The following PTPRG variants were observed in gnomAD, a reference collection of about 807,000 sequenced individuals.
PTPRG encodes receptor-type tyrosine-protein phosphatase gamma.
In PTPRG, 102 loss-of-function variants were observed where a neutral mutation model predicts 165.3. That is an observed-to-expected ratio of 0.62 (90% confidence interval 0.53 to 0.73). The LOEUF is 0.73. Ranked by LOEUF, PTPRG falls within the 30% of genes least tolerant of loss-of-function variation. PTPRG has a pLI of 0.00. For missense variants in PTPRG, 1,866 were observed against 1,861.4 expected, an observed-to-expected ratio of 1.00 and a Z score of -0.05; for synonymous variants, 675 against 669.5, an observed-to-expected ratio of 1.01 and a Z score of -0.13.
intron 8 of PTPRG, among the ~76,000 whole-genome samples, chr3:62,182,543 G>A (rs1474684851): frequency 6.6e-6 from 1 of 152,210 alleles, no homozygotes. Context: ...CTCCCACTGG[G>A]CTGTCATCTC....
chr3:62,278,472 T>C (rs1041550325), intron 26 of PTPRG, among the ~76,000 whole-genome samples: 2 of 152,096 alleles, frequency 1.3e-5, no homozygotes, highest in African/African-American at 2.4e-5. Context: ...GCTTAGATCT[T>C]GTGGATACTT....
intron 2 of PTPRG, among the ~76,000 whole-genome samples, chr3:61,845,092 C>A (rs1168856953): frequency 6.6e-6 from 1 of 152,128 alleles, no homozygotes; most frequent in Non-Finnish European, 1.5e-5. Flanking sequence ...CATTCTCTTT[C>A]TTTTGGGTTT....
intron 6 of PTPRG, among the ~76,000 whole-genome samples, chr3:62,146,933 C>T (rs1704144225): frequency 6.6e-6 from 1 of 152,136 alleles, no homozygotes; most frequent in Non-Finnish European, 1.5e-5. Flanking sequence ...TTCTTTTAGC[C>T]ATGTATGAAA....
At chr3:61,836,108 C>T (rs1002803171) in intron 2 of PTPRG, among the ~76,000 whole-genome samples, 2 of 150,180 alleles carry the variant, frequency 1.3e-5, no homozygotes, top group African/African-American at 2.5e-5. Context: ...CACCTGAACC[C>T]CACTGCAGAT....
chr3:61,945,295 C>G (rs2039729409), intron 2 of PTPRG, among the ~76,000 whole-genome samples: 1 of 152,054 alleles, frequency 6.6e-6, no homozygotes, highest in African/African-American at 2.4e-5. Flanking sequence ...TGCTATGGCT[C>G]ACGCCTGTAA....
intron 2 of PTPRG, among the ~76,000 whole-genome samples, chr3:61,756,409 G>A (rs1288348839): frequency 6.6e-6 from 1 of 152,134 alleles, no homozygotes; most frequent in Non-Finnish European, 1.5e-5. Flanking sequence ...AAACACATAT[G>A]GTCACACACT....
At chr3:61,962,426 A>T (rs2040174666) in intron 2 of PTPRG, among the ~76,000 whole-genome samples, 1 of 152,196 alleles carries the variant, frequency 6.6e-6, no homozygotes, top group Non-Finnish European at 1.5e-5. Flanking sequence ...CTTGAGTACA[A>T]CTTTGCTCAT....
chr3:61,844,389 T>C (rs2036744483), intron 2 of PTPRG, among the ~76,000 whole-genome samples: 1 of 152,258 alleles, frequency 6.6e-6, no homozygotes, highest in African/African-American at 2.4e-5. Context: ...TTGAGATAAA[T>C]GACAAATAAT....
At chr3:61,620,240 G>A (rs13324996) in intron 1 of PTPRG, among the ~76,000 whole-genome samples, 42,669 of 151,982 alleles carry the variant, frequency 0.28, 6,033 homozygotes, top group Admixed American at 0.32. Flanking sequence ...TAGCTTGTGT[G>A]TCCCCCCTAC....
At chr3:62,081,535 A>G (rs558371508) in intron 5 of PTPRG, among the ~76,000 whole-genome samples, 2 of 151,992 alleles carry the variant, frequency 1.3e-5, no homozygotes, top group Admixed American at 1.3e-4. Flanking sequence ...TGTAGAGACA[A>G]GGTCTTGCTT....
intron 2 of PTPRG, among the ~76,000 whole-genome samples, chr3:61,941,496 G>A (rs910174232): frequency 1.3e-5 from 2 of 152,158 alleles, no homozygotes; most frequent in Non-Finnish European, 1.5e-5. Flanking sequence ...GGCGGTGCAT[G>A]CCTGTAGCCC....
intron 4 of PTPRG, among the ~76,000 whole-genome samples, chr3:62,020,976 C>T (rs2041676225): frequency 6.6e-6 from 1 of 151,982 alleles, no homozygotes; most frequent in South Asian, 2.1e-4. Context: ...CACCTGGCCT[C>T]ATCTATGTTT....
At chr3:61,637,048 C>T (rs1459684365) in intron 1 of PTPRG, among the ~76,000 whole-genome samples, 1 of 152,210 alleles carries the variant, frequency 6.6e-6, no homozygotes. Flanking sequence ...TGTGGCCTCT[C>T]TGCCACATAG....
At chr3:62,206,912 C>CA (rs556974355) in intron 12 of PTPRG, among the ~76,000 whole-genome samples, 5,470 of 37,030 alleles carry the variant, frequency 0.15, 1,036 homozygotes, top group East Asian at 0.33. Context: ...GACTCTGTCT[C>CA]AAAAAAAAAA....
intron 1 of PTPRG, among the ~76,000 whole-genome samples, chr3:61,747,537 A>G (rs2033258600): frequency 6.6e-6 from 1 of 152,198 alleles, no homozygotes; most frequent in African/African-American, 2.4e-5. Context: ...GTTTCCCTCT[A>G]AAGGGCTCAT....
chr3:61,939,403 C>G (rs556185032), intron 2 of PTPRG, among the ~76,000 whole-genome samples: 85 of 152,088 alleles, frequency 5.6e-4, no homozygotes, highest in African/African-American at 1.9e-3. Flanking sequence ...AGTGATGGAA[C>G]CTAAAGAAAA....
At chr3:61,911,230 T>C (rs1266282464) in intron 2 of PTPRG, among the ~76,000 whole-genome samples, 1 of 152,210 alleles carries the variant, frequency 6.6e-6, no homozygotes, top group African/African-American at 2.4e-5. Context: ...GGCAGAGACA[T>C]TTCCCTTGTG....
intron 5 of PTPRG, among the ~76,000 whole-genome samples, chr3:62,092,385 A>C (rs1031264310): frequency 3.6e-5 from 5 of 139,974 alleles, no homozygotes; most frequent in African/African-American, 1.4e-4. Context: ...GGTTTCAGTG[A>C]GCTGAGATTG....
chr3:62,162,264 C>T (rs1217484159), intron 7 of PTPRG, among the ~76,000 whole-genome samples: 1 of 150,786 alleles, frequency 6.6e-6, no homozygotes, highest in East Asian at 2.0e-4. Context: ...CACTTCGAGC[C>T]AACACATTTG....
Sources: allele counts gnomAD v4.1 joint callset (sites outside exome capture counted in the v4.1 genomes callset), GRCh38; gene constraint gnomAD v4.1.1; transcripts MANE v1.5; gene names NCBI Gene and HGNC (gene_info 2026-07-23, HGNC 2026-07-21).